The following SLC13A3 variants were observed in gnomAD, a reference collection of about 807,000 sequenced individuals.
The protein encoded by SLC13A3 is Na(+)/dicarboxylate cotransporter 3.
A neutral mutation model predicts 59.0 loss-of-function variants in SLC13A3; 40 were observed. The ratio of observed to expected loss-of-function variants is 0.68; its 90% CI spans 0.53 to 0.88. SLC13A3 has a LOEUF of 0.88. Among genes scored for constraint, SLC13A3 ranks in the 40% least tolerant of loss-of-function variants. SLC13A3 has a pLI of 0.00. For synonymous variants in SLC13A3, 317 were observed against 330.3 expected (o/e 0.96, Z 0.44); for missense variants, 699 against 783.2 (o/e 0.89, Z 1.28).
chr20:46,563,493 G>A lies in SLC13A3; in HGVS notation c.1553C>T (p.Ser518Phe). The change falls in exon 12 of 13, where the codon TCC becomes TTC. Residue 518 changes from serine (S) to phenylalanine (F), a missense_variant. Physicochemically the swap from Ser to Phe is radical, Grantham distance 155 (BLOSUM62 -2). Transcript: ENST00000279027. ...TGAGACCGGGAGCATGAAGGCAAAG[G>A]AGCAGCCGACTGTGCCCGGAATCAT... The part of the protein sequence containing the change: ...YLMIPGTVGC[S>F]FAFMLPVSTP... The A allele has an allele frequency of 6.2e-7, 1 of 1,614,140 alleles. No homozygotes were observed. Among genetic ancestry groups the A allele is most frequent in the Non-Finnish European group, 8.5e-7 (1 of 1,180,018 alleles).
chr20:46,637,103 A>G (rs1264778694), intron 1 of SLC13A3, among the ~76,000 whole-genome samples: 1 of 151,870 alleles, frequency 6.6e-6, no homozygotes, highest in African/African-American at 2.4e-5. Context: ...CCGGCCTGAC[A>G]TTTTCAATTC....
intron 6 of SLC13A3, 135 bp downstream of exon 6, chr20:46,592,269 A>G (rs2062267528): frequency 6.5e-6 from 7 of 1,079,264 alleles, no homozygotes; most frequent in Non-Finnish European, 8.1e-6. Flanking sequence ...ACCTACATAC[A>G]TACATACATA....
upstream of SLC13A3, among the ~76,000 whole-genome samples, chr20:46,672,875 A>C (rs1037578739): frequency 6.6e-6 from 1 of 152,174 alleles, no homozygotes; most frequent in Non-Finnish European, 1.5e-5. Context: ...TAGGCCCCCC[A>C]GATGAGTTCA....
intron 8 of SLC13A3, among the ~76,000 whole-genome samples, chr20:46,587,389 T>C (rs993151545): frequency 2.6e-5 from 4 of 152,108 alleles, no homozygotes; most frequent in African/African-American, 9.7e-5. Context: ...ATGCATAACA[T>C]GCCCGAAAAG....
Position 46,558,397 on chromosome 20 carries a change from C to T in SLC13A3, c.*1625G>A, listed in dbSNP as rs1369095689. 6.6e-6 allele frequency: 1 copy of T among 152,226 alleles called. No individual in the cohort carries two copies. The highest frequency in any genetic ancestry group is 1.9e-4 in the East Asian group (1 of 5,204). 9.4% of individuals were successfully genotyped at this position (152,226 alleles called of 1,614,324 possible). On this transcript the variant is annotated 3_prime_UTR_variant, in exon 13 of 13. Coordinates refer to ENST00000279027, the MANE Select transcript of SLC13A3 (RefSeq NM_022829.6). ...TGGGGCTTTGAAGCTCTCTTATGTT[C>T]AGAAAGGCAAATCATCTCCAGGTCC...
intron 5 of SLC13A3, among the ~76,000 whole-genome samples, chr20:46,592,845 C>T (rs1273365867): frequency 1.3e-5 from 2 of 152,182 alleles, no homozygotes; most frequent in Admixed American, 6.5e-5. Flanking sequence ...GAGCCCTGCT[C>T]ATTAAAGGGC....
At chr20:46,662,027 T>G (rs1022181787) in intron 1 of SLC13A3, among the ~76,000 whole-genome samples, 1 of 152,214 alleles carries the variant, frequency 6.6e-6, no homozygotes, top group African/African-American at 2.4e-5. Flanking sequence ...CATTATAAGC[T>G]ACACAGAAGC....
chr20:46,675,569 T>TC (rs2063120246), intron 1 of SLC13A3, among the ~76,000 whole-genome samples: 1 of 151,380 alleles, frequency 6.6e-6, no homozygotes, highest in Admixed American at 6.6e-5. Flanking sequence ...TTCTTTCTTT[T>TC]TTTTTTTTTA....
At chr20:46,602,978 A>C (rs113415294) in intron 3 of SLC13A3, among the ~76,000 whole-genome samples, 12,329 of 152,110 alleles carry the variant, frequency 0.081, 545 homozygotes, top group Admixed American at 0.11. Context: ...CGGGAGTTTG[A>C]GACCAGCCTG....
chr20:46,636,068 G>A (rs1487157684), intron 1 of SLC13A3, among the ~76,000 whole-genome samples: 3 of 152,146 alleles, frequency 2.0e-5, no homozygotes, highest in Non-Finnish European at 4.4e-5. Flanking sequence ...GCAGATGATC[G>A]AGAAATAACC....
chr20:46,662,982 G>C (rs1312740376), intron 1 of SLC13A3, among the ~76,000 whole-genome samples: 2 of 152,134 alleles, frequency 1.3e-5, no homozygotes, highest in Non-Finnish European at 2.9e-5. Context: ...TAATATGCTT[G>C]AACCATTTGA....
intron 1 of SLC13A3, among the ~76,000 whole-genome samples, chr20:46,635,007 G>A (rs995131506): frequency 7.2e-5 from 11 of 152,252 alleles, no homozygotes; most frequent in Non-Finnish European, 1.2e-4. Flanking sequence ...AACCCTGCCC[G>A]AAGGCACTGG....
intron 3 of SLC13A3, among the ~76,000 whole-genome samples, chr20:46,603,939 C>T (rs1267953959): frequency 5.4e-5 from 8 of 148,118 alleles, no homozygotes; most frequent in Admixed American, 6.8e-5. Context: ...TGCAGTGAAC[C>T]GTGATCATGC....
intron 8 of SLC13A3, chr20:46,585,605 C>G (rs781745151): frequency 1.0e-5 from 12 of 1,196,252 alleles, no homozygotes; most frequent in Non-Finnish European, 1.3e-5. Context: ...CCGATAACAG[C>G]GTGATCACAA....
chr20:46,600,324 A>AAAGGAAGGAAGGAAGGAAAGG (rs2062364511), intron 3 of SLC13A3, among the ~76,000 whole-genome samples: 1 of 83,804 alleles, frequency 1.2e-5, no homozygotes, highest in Non-Finnish European at 2.3e-5. Flanking sequence ...GGAAGGAAGG[A>AAAGGAAGGAAGGAAGGAAAGG]AAGGAAGGAA....
At chr20:46,627,741 C>T (rs933290085) in intron 1 of SLC13A3, among the ~76,000 whole-genome samples, 11 of 152,040 alleles carry the variant, frequency 7.2e-5, no homozygotes, top group African/African-American at 2.4e-4. Context: ...AATGAAAAAC[C>T]GACATATTGT....
intron 5 of SLC13A3, among the ~76,000 whole-genome samples, chr20:46,595,879 C>T (rs1246293257): frequency 6.6e-6 from 1 of 152,150 alleles, no homozygotes; most frequent in Non-Finnish European, 1.5e-5. Context: ...TAGCACCCCA[C>T]TCTCCTCACT....
chr20:46,633,787 A>G (rs1306346612), intron 1 of SLC13A3, among the ~76,000 whole-genome samples: 2 of 152,274 alleles, frequency 1.3e-5, no homozygotes, highest in African/African-American at 4.8e-5. Context: ...CCTCTGCCTC[A>G]ATGCAAACCA....
chr20:46,560,817 C>A (rs1176057620), intron 12 of SLC13A3, among the ~76,000 whole-genome samples: 1 of 152,182 alleles, frequency 6.6e-6, no homozygotes, highest in Non-Finnish European at 1.5e-5. Context: ...GCCTCTTGGA[C>A]CATTCAGTCC....
Sources: gnomAD v4.1 joint callset for allele counts (sites outside exome capture counted in the v4.1 genomes callset) on GRCh38, gnomAD v4.1.1 for gene constraint, MANE v1.5 for transcripts, NCBI Gene and HGNC (gene_info 2026-07-23, HGNC 2026-07-21) for gene names.